SERBP1: variants seen among roughly 807,000 people sequenced by gnomAD.
SERBP1 encodes the protein SERPINE1 mRNA-binding protein 1.
In SERBP1, 6 loss-of-function variants were observed where a neutral mutation model predicts 50.2. The observed-to-expected ratio is 0.12, with a 90% CI of 0.07 to 0.24. SERBP1 has a LOEUF of 0.24. Ranked by LOEUF, SERBP1 falls within the 10% of genes least tolerant of loss-of-function variation. The pLI, the probability that SERBP1 is intolerant of heterozygous loss-of-function variation, is 1.00. For missense variants in SERBP1, 346 were observed against 524.9 expected (o/e 0.66, Z 3.33); for synonymous variants, 168 against 182.8 (o/e 0.92, Z 0.65).
intron 6 of SERBP1, among the ~76,000 whole-genome samples, chr1:67,417,549 C>G (rs922484040): frequency 1.3e-4 from 19 of 151,128 alleles, no homozygotes; most frequent in Non-Finnish European, 5.9e-5. Context: ...CTTGCTCTGT[C>G]AACTAGGTTG....
intron 4 of SERBP1, 113 bp downstream of exon 4, chr1:67,424,775 G>C: frequency 2.5e-6 from 2 of 796,878 alleles, no homozygotes; most frequent in Non-Finnish European, 4.2e-6. Flanking sequence ...TTGTAATATA[G>C]TAACTCTCAG....
chr1:67,427,685 C>A (rs1244113998), intron 1 of SERBP1, among the ~76,000 whole-genome samples: 1 of 152,164 alleles, frequency 6.6e-6, no homozygotes, highest in East Asian at 1.9e-4. Context: ...AATATCCAAG[C>A]CAAACACACC....
At position 67,425,206 on chromosome 1, in the gene SERBP1, G is replaced by C; in HGVS notation, c.482C>G (p.Pro161Arg). 1 of 1,607,938 alleles carries C rather than the reference G, an allele frequency of 6.2e-7. No homozygotes were observed. Among genetic ancestry groups the C allele is most frequent in the Non-Finnish European group, 8.5e-7 (1 of 1,178,658 alleles). Residue 161 changes from proline to arginine, a missense_variant, in exon 3 of 8, where the codon CCT (proline) becomes CGT (arginine). Transcript: ENST00000361219. ...FSVDRPIIDR[P>R]IRGRGGLGRG... ...TCCAAGACCACCACGACCTCGAATA[G>C]GTCGGTCAATAATCGGTCTATAATA... is the stretch of plus-strand genomic sequence containing the variant.
At position 67,412,432 on chromosome 1, in the gene SERBP1, G is replaced by A. The variant is rs1666873811; in HGVS notation, c.*775C>T. On this transcript the variant is annotated 3_prime_UTR_variant, in exon 8 of 8. Transcript: ENST00000361219. ...TTAAACAACTTTCACCAATTAAGAT[G>A]TCTAGTTTAGATTTTAAAATGGGAA... 6.6e-6 allele frequency: 1 copy of A among 152,486 alleles called. No individual in the cohort carries two copies. Among genetic ancestry groups the A allele is most frequent in the South Asian group, 2.1e-4 (1 of 4,828 alleles). The allele number at this position is 152,486 out of a possible 1,614,324, so 9.4% of individuals were successfully genotyped here. A position where few individuals can be genotyped will look rare whatever the true frequency, so the allele number is the denominator to read the frequency against.
At chr1:67,429,718 G>T (rs976826711) in intron 1 of SERBP1, 2 of 356,066 alleles carry the variant, frequency 5.6e-6, no homozygotes, top group Non-Finnish European at 1.0e-5. Flanking sequence ...CGCGCTCGAG[G>T]AGCAGCTCAT....
rs1666709746 is a variant in SERBP1 at position 67,408,543 on chromosome 1, T to C, written c.*4664A>G. 6.7e-6 allele frequency: 1 copy of C among 149,806 alleles called. No homozygotes were observed. The highest frequency in any genetic ancestry group is 1.5e-5 in the Non-Finnish European group (1 of 67,618). 9.3% of individuals were successfully genotyped at this position (149,806 alleles called of 1,614,324 possible). ...AGTAATCAACAGCACAAAAGCTAAA[T>C]TCTGTCCAAATGGGAATTCTAAGCT... is the stretch of plus-strand genomic sequence containing the variant. On this transcript the variant is annotated 3_prime_UTR_variant, in exon 8 of 8. Coordinates refer to ENST00000361219, the MANE Select transcript of SERBP1 (RefSeq NM_001018069.2).
chr1:67,423,878 T>C (rs976790263), intron 5 of SERBP1, among the ~76,000 whole-genome samples: 1 of 151,906 alleles, frequency 6.6e-6, no homozygotes, highest in Non-Finnish European at 1.5e-5. Context: ...GTCAAATATA[T>C]ACACATAAAC....
rs1285009751 is a variant in SERBP1, at chr1:67,408,310, A to C, written c.*4897T>G. On this transcript the variant is annotated 3_prime_UTR_variant, in exon 8 of 8. Transcript: ENST00000361219. ...TTTATATATACTTTCTTGCATATACAAGTCTCAAGAAGAGTAATGTCATAC... is the reference window on the plus strand; with the variant it reads ...TTTATATATACTTTCTTGCATATACCAGTCTCAAGAAGAGTAATGTCATAC... 6.6e-6 allele frequency: 1 copy of C among 152,196 alleles called. No homozygotes were observed. Among genetic ancestry groups the C allele is most frequent in the Non-Finnish European group, 1.5e-5 (1 of 68,038 alleles). 9.4% of individuals were successfully genotyped at this position (152,196 alleles called of 1,614,324 possible). A position where few individuals can be genotyped will look rare whatever the true frequency, so the allele number is the denominator to read the frequency against.
At chr1:67,422,388 G>A (rs1257459132) in intron 5 of SERBP1, among the ~76,000 whole-genome samples, 4 of 151,892 alleles carry the variant, frequency 2.6e-5, no homozygotes, top group Admixed American at 1.3e-4. Context: ...GCACATGCCT[G>A]TAATCCCAGC....
Position 67,430,019 on chromosome 1 carries a change from C to T in SERBP1, c.282G>A (p.Glu94=). The change falls in exon 1 of 8, where the codon GAG becomes GAA. Residue 94 remains glutamate, a synonymous_variant. Transcript: ENST00000361219. ...PSVGVVDKKE[E]TQPPVALKKE... is the part of the protein sequence containing the mutation. Reference sequence around the variant, plus strand: ...TCTTAAGCGCCACGGGCGGCTGCGTCTCCTCTTTCTTGTCAACCACGCCAA... The same window carrying T: ...TCTTAAGCGCCACGGGCGGCTGCGTTTCCTCTTTCTTGTCAACCACGCCAA... 1.2e-6 allele frequency: 2 copies of T among 1,611,502 alleles called. No individual in the cohort carries two copies. Among genetic ancestry groups the T allele is most frequent in the East Asian group, 2.2e-5 (1 of 44,830 alleles).
rs1666709684 is a variant in SERBP1, at chr1:67,408,542, A to G, written c.*4665T>C. 6.8e-6 allele frequency: 1 copy of G among 147,278 alleles called. No homozygotes were observed. Among genetic ancestry groups the G allele is most frequent in the South Asian group, 2.1e-4 (1 of 4,658 alleles). 9.1% of individuals were successfully genotyped at this position (147,278 alleles called of 1,614,324 possible). A position where few individuals can be genotyped will look rare whatever the true frequency, so the allele number is the denominator to read the frequency against. On this transcript the variant is annotated 3_prime_UTR_variant, in exon 8 of 8. Transcript: ENST00000361219. ...AAGTAATCAACAGCACAAAAGCTAA[A>G]TTCTGTCCAAATGGGAATTCTAAGC...
chr1:67,428,172 C>T (rs1335319188), intron 1 of SERBP1, among the ~76,000 whole-genome samples: 2 of 152,156 alleles, frequency 1.3e-5, no homozygotes, highest in Non-Finnish European at 2.9e-5. Context: ...GTATTTTATG[C>T]AACTTAACAG....
chr1:67,420,783 A>G (rs1013156465), intron 5 of SERBP1, among the ~76,000 whole-genome samples: 13 of 152,228 alleles, frequency 8.5e-5, no homozygotes, highest in Admixed American at 8.5e-4. Flanking sequence ...TGTATATGGA[A>G]AGGAGGCCAT....
At chr1:67,429,722 A>AG (rs1667506685) in intron 1 of SERBP1, 3 of 356,140 alleles carry the variant, frequency 8.4e-6, no homozygotes, top group Non-Finnish European at 1.5e-5. Flanking sequence ...CTCGAGGAGC[A>AG]GCTCATCTCC....
rs372129001 is a variant in SERBP1 at position 67,426,921 on chromosome 1, T to C, written c.314-636A>G. Among the ~76,000 whole-genome samples the C allele has an allele frequency of 7.2e-5, 11 of 152,364 alleles. No homozygotes were observed. The East Asian group carries it at 2.1e-3, about 29-fold the overall frequency. On this transcript the variant is annotated intron_variant, in intron 1 of 7. Transcript: ENST00000361219. Reference sequence around the variant, plus strand: ...ATCACTTCAGTTTAAAACAGCCATTTAACCAGAAAAAGTGTCATCTTTTGG... The same window carrying C: ...ATCACTTCAGTTTAAAACAGCCATTCAACCAGAAAAAGTGTCATCTTTTGG...
At chr1:67,427,478 G>A (rs1307712119) in intron 1 of SERBP1, among the ~76,000 whole-genome samples, 2 of 152,190 alleles carry the variant, frequency 1.3e-5, no homozygotes, top group Non-Finnish European at 2.9e-5. Context: ...ACACCATCAA[G>A]ACACACCCAG....
intron 6 of SERBP1, 82 bp downstream of exon 6, chr1:67,419,927 A>C: frequency 1.6e-6 from 2 of 1,217,822 alleles, no homozygotes; most frequent in Non-Finnish European, 2.4e-6. Context: ...CAAATAACCC[A>C]TGTGAAATTT....
In SERBP1 at chr1:67,409,330, T is replaced by TG. The variant is rs1428155127; in HGVS notation, c.*3876_*3877insC. ...GGGCTGCCTACATTTTTCTGTGGGT[T>TG]TTTTTTTTTTTTAATCCTATACAAG... is the stretch of plus-strand genomic sequence containing the variant. On this transcript the variant is annotated 3_prime_UTR_variant, in exon 8 of 8. Coordinates refer to ENST00000361219, the MANE Select transcript of SERBP1 (RefSeq NM_001018069.2). 1 of 143,310 alleles carries TG rather than the reference T, an allele frequency of 7.0e-6. No individual in the cohort carries two copies. Among genetic ancestry groups the TG allele is most frequent in the Non-Finnish European group, 1.5e-5 (1 of 65,858 alleles). The allele number at this position is 143,310 out of a possible 1,614,324, so 8.9% of individuals were successfully genotyped here. A position where few individuals can be genotyped will look rare whatever the true frequency, so the allele number is the denominator to read the frequency against.
rs1666737833 is a variant in SERBP1, at chr1:67,409,237, C to T, written c.*3970G>A. 6.6e-6 allele frequency: 1 copy of T among 151,826 alleles called. No individual in the cohort carries two copies. Among genetic ancestry groups the T allele is most frequent in the African/African-American group, 2.4e-5 (1 of 41,340 alleles). 9.4% of individuals were successfully genotyped at this position (151,826 alleles called of 1,614,324 possible). A position where few individuals can be genotyped will look rare whatever the true frequency, so the allele number is the denominator to read the frequency against. ...AGCCAGACTGTTTCAAAGAAACAAA[C>T]TCTTGTAACCCGAGAGTGACAGTTC... On this transcript the variant is annotated 3_prime_UTR_variant, in exon 8 of 8. Coordinates refer to ENST00000361219, the MANE Select transcript of SERBP1 (RefSeq NM_001018069.2).
Sources: allele counts gnomAD v4.1 joint callset (sites outside exome capture counted in the v4.1 genomes callset), GRCh38; gene constraint gnomAD v4.1.1; transcripts MANE v1.5; gene names NCBI Gene and HGNC (gene_info 2026-07-23, HGNC 2026-07-21).